Variants in GPR65 observed in about 807,000 individuals in gnomAD.
The protein encoded by GPR65 is G protein-coupled receptor 65.
A neutral mutation model predicts 0.7 loss-of-function variants in GPR65; 2 were observed. The observed-to-expected ratio is 2.83, with a 90% CI of 1.16 to 8.92. The LOEUF (loss-of-function observed/expected upper bound fraction) is 8.92. Among genes scored for constraint, GPR65 ranks in the 30% most tolerant of loss-of-function variants. GPR65 has a pLI of 0.04. For missense variants in GPR65, 379 were observed against 399.4 expected, an observed-to-expected ratio of 0.95 and a Z score of 0.43; for synonymous variants, 128 against 146.5, an observed-to-expected ratio of 0.87 and a Z score of 0.91.
In GPR65 at chr14:88,014,208, A is replaced by G. The variant is rs1372735001; in HGVS notation, c.*2347A>G. 1 of 152,268 alleles carries G rather than the reference A, an allele frequency of 6.6e-6. No homozygotes were observed. Among genetic ancestry groups the G allele is most frequent in the Non-Finnish European group, 1.5e-5 (1 of 68,046 alleles). 9.4% of individuals were successfully genotyped at this position (152,268 alleles called of 1,614,324 possible). On this transcript the variant is annotated 3_prime_UTR_variant, in exon 2 of 2. Transcript: ENST00000267549. ...AAAGCTGGTGAAAATTGTTCCACCC[A>G]TATGTAAAAGAACATAGGTTAAGTT...
At position 88,011,343 on chromosome 14, in the gene GPR65, A is replaced by C. The variant is rs1335440037; in HGVS notation, c.496A>C (p.Asn166His). ...VVEYCDAEKS[N>H]FTLCYDKYPL... ...TGAATATTGCGATGCCGAAAAGTCT[A>C]ATTTTACTTTATGCTATGACAAATA... The change falls in exon 2 of 2, where the codon AAT becomes CAT. Residue 166 changes from asparagine (N) to histidine (H), a missense_variant. Transcript: ENST00000267549. The C allele has an allele frequency of 6.2e-7, 1 of 1,614,068 alleles. No individual in the cohort carries two copies. The highest frequency in any genetic ancestry group is 8.5e-7 in the Non-Finnish European group (1 of 1,179,986).
rs1887705808 is a variant in GPR65 at position 88,012,766 on chromosome 14, C to A, written c.*905C>A. The A allele has an allele frequency of 6.6e-6, 1 of 152,042 alleles. No homozygotes were observed. Among genetic ancestry groups the A allele is most frequent in the Non-Finnish European group, 1.5e-5 (1 of 68,010 alleles). 9.4% of individuals were successfully genotyped at this position (152,042 alleles called of 1,614,324 possible). A position where few individuals can be genotyped will look rare whatever the true frequency, so the allele number is the denominator to read the frequency against. ...TTCATTAACAAATATTTATTGAATC[C>A]ATTCCATAAACTAGGTTTTGAGTTA... On this transcript the variant is annotated 3_prime_UTR_variant, in exon 2 of 2. Transcript: ENST00000267549.
In GPR65 at chr14:88,012,020, C is replaced by T; in HGVS notation, c.*159C>T. Reference sequence around the variant, plus strand: ...AAAAATATCTTAAAACTGCATTGTACAGCTCCCTCCCTGCGTTTTATTAAA... The same window carrying T: ...AAAAATATCTTAAAACTGCATTGTATAGCTCCCTCCCTGCGTTTTATTAAA... On this transcript the variant is annotated 3_prime_UTR_variant, in exon 2 of 2. Coordinates refer to ENST00000267549, the MANE Select transcript of GPR65 (RefSeq NM_003608.4). 1 of 558,276 alleles carries T rather than the reference C, an allele frequency of 1.8e-6. No individual in the cohort carries two copies. Among genetic ancestry groups the T allele is most frequent in the Non-Finnish European group, 3.2e-6 (1 of 311,050 alleles). The allele number at this position is 558,276 out of a possible 1,614,324, so 34.6% of individuals were successfully genotyped here.
At chr14:88,009,013 G>A (rs1269819515) in intron 1 of GPR65, among the ~76,000 whole-genome samples, 1 of 152,118 alleles carries the variant, frequency 6.6e-6, no homozygotes, top group Non-Finnish European at 1.5e-5. Context: ...CAGGGAAATT[G>A]CCATCTTTTC....
In GPR65 at chr14:88,012,635, C is replaced by T. The variant is rs1003787057; in HGVS notation, c.*774C>T. 1 of 152,216 alleles carries T rather than the reference C, an allele frequency of 6.6e-6. No homozygotes were observed. Among genetic ancestry groups the T allele is most frequent in the Non-Finnish European group, 1.5e-5 (1 of 68,042 alleles). The allele number at this position is 152,216 out of a possible 1,614,324, so 9.4% of individuals were successfully genotyped here. On this transcript the variant is annotated 3_prime_UTR_variant, in exon 2 of 2. Coordinates refer to ENST00000267549, the MANE Select transcript of GPR65 (RefSeq NM_003608.4). ...CGTATTTCACTTAGTATAATGGTTT[C>T]AAGTTTTATCCATGTGTAGAATGTA...
intron 1 of GPR65, among the ~76,000 whole-genome samples, chr14:88,007,686 T>TCA (rs1054624857): frequency 6.7e-6 from 1 of 149,430 alleles, no homozygotes; most frequent in Non-Finnish European, 1.5e-5. Context: ...TTTGTGTTTT[T>TCA]TATATATATA....
At chr14:88,007,788 GTGTA>G (rs754936375) in intron 1 of GPR65, among the ~76,000 whole-genome samples, 2,219 of 98,722 alleles carry the variant, frequency 0.022, 27 homozygotes, top group African/African-American at 0.049. Context: ...TTCTCTCTGT[GTGTA>G]TGTGTGTGTG....
At position 88,011,400 on chromosome 14, in the gene GPR65, T is replaced by A. The variant is rs145362448; in HGVS notation, c.553T>A (p.Leu185Met). Residue 185 changes from leucine to methionine, a missense_variant, in exon 2 of 2, where the codon TTG (leucine) becomes ATG (methionine). Leu to Met is a conservative substitution (Grantham distance 15, BLOSUM62 2). Transcript: ENST00000267549. Reference protein sequence around the residue: ...PLEKWQINLNLFRTCTGYAIP... With the variant: ...PLEKWQINLNMFRTCTGYAIP... Reference sequence around the variant, plus strand: ...AGAGAAATGGCAAATCAACCTCAACTTGTTCAGGACGTGTACAGGCTATGC... The same window carrying A: ...AGAGAAATGGCAAATCAACCTCAACATGTTCAGGACGTGTACAGGCTATGC... 3.7e-6 allele frequency: 6 copies of A among 1,613,926 alleles called. No homozygotes were observed. Among genetic ancestry groups the A allele is most frequent in the Non-Finnish European group, 5.1e-6 (6 of 1,179,950 alleles).
In GPR65 at chr14:88,012,930, T is replaced by C. The variant is rs1295279698; in HGVS notation, c.*1069T>C. 6.6e-6 allele frequency: 1 copy of C among 152,230 alleles called. No homozygotes were observed. Among genetic ancestry groups the C allele is most frequent in the Non-Finnish European group, 1.5e-5 (1 of 68,038 alleles). 9.4% of individuals were successfully genotyped at this position (152,230 alleles called of 1,614,324 possible). A position where few individuals can be genotyped will look rare whatever the true frequency, so the allele number is the denominator to read the frequency against. On this transcript the variant is annotated 3_prime_UTR_variant, in exon 2 of 2. Transcript: ENST00000267549. ...TCTGAGTTTTATTTTGATCTCTTTTTAATTTATAACTGGGTATAACATAGC... is the reference window on the plus strand; with the variant it reads ...TCTGAGTTTTATTTTGATCTCTTTTCAATTTATAACTGGGTATAACATAGC...
chr14:88,007,142 G>A (rs142328087), intron 1 of GPR65, among the ~76,000 whole-genome samples: 69 of 152,118 alleles, frequency 4.5e-4, no homozygotes, highest in Non-Finnish European at 7.8e-4. Context: ...AGTCTTTGGT[G>A]AACTGCAATT....
Position 88,014,331 on chromosome 14 carries a change from TAGAA to T in GPR65, c.*2474_*2477del, listed in dbSNP as rs1163015713. The T allele has an allele frequency of 6.6e-6, 1 of 152,216 alleles. No homozygotes were observed. Among genetic ancestry groups the T allele is most frequent in the Admixed American group, 6.5e-5 (1 of 15,288 alleles). 9.4% of individuals were successfully genotyped at this position (152,216 alleles called of 1,614,324 possible). A position where few individuals can be genotyped will look rare whatever the true frequency, so the allele number is the denominator to read the frequency against. ...AAAGAGTGGCCAACTTTCATATAAATAGAAAGAGAACATTTAAGCTATATGCAGT... is the reference window on the plus strand; with the variant it reads ...AAAGAGTGGCCAACTTTCATATAAATAGAGAACATTTAAGCTATATGCAGT... On this transcript the variant is annotated 3_prime_UTR_variant, in exon 2 of 2. Coordinates refer to ENST00000267549, the MANE Select transcript of GPR65 (RefSeq NM_003608.4).
chr14:88,011,288 T>C lies in GPR65; in HGVS notation c.441T>C (p.Ala147=), dbSNP rs1227048980. The change falls in exon 2 of 2, where the codon GCT becomes GCC. Residue 147 remains alanine, a synonymous_variant. Transcript: ENST00000267549. The stretch of plus-strand genomic sequence containing the variant: ...GGATATTGGAAACCATCTTCAATGC[T>C]GTCATGTTGTGGGAAGATGAAACAG... The part of the protein sequence containing the change: ...SIWILETIFN[A]VMLWEDETVV... 2 of 1,613,724 alleles carry C rather than the reference T, an allele frequency of 1.2e-6. No homozygotes were observed. The highest frequency in any genetic ancestry group is 1.7e-6 in the Non-Finnish European group (2 of 1,179,654).
rs1314769289 is a variant in GPR65 at position 88,011,359 on chromosome 14, A to G, written c.512A>G (p.Tyr171Cys). ...GAAAAGTCTAATTTTACTTTATGCT[A>G]TGACAAATACCCTTTAGAGAAATGG... ...DAEKSNFTLC[Y>C]DKYPLEKWQI... Residue 171 changes from tyrosine (Y) to cysteine (C), a missense_variant, in exon 2 of 2, where the codon TAT becomes TGT. By Grantham distance (194) the Tyr-to-Cys change is radical (BLOSUM62 -2). Transcript: ENST00000267549. 1.9e-6 allele frequency: 3 copies of G among 1,614,026 alleles called. No individual in the cohort carries two copies. Among genetic ancestry groups the G allele is most frequent in the Non-Finnish European group, 2.5e-6 (3 of 1,180,014 alleles).
chr14:88,010,083 T>C (rs529931122), intron 1 of GPR65, among the ~76,000 whole-genome samples: 80 of 152,368 alleles, frequency 5.3e-4, no homozygotes, highest in African/African-American at 1.7e-3. Flanking sequence ...TTTTTATCTT[T>C]AGCTGCTGAA....
intron 1 of GPR65, among the ~76,000 whole-genome samples, chr14:88,008,873 T>C (rs1887634619): frequency 6.6e-6 from 1 of 152,144 alleles, no homozygotes; most frequent in African/African-American, 2.4e-5. Flanking sequence ...AGCATGTAGG[T>C]TGGCCTGAAG....
intron 1 of GPR65, among the ~76,000 whole-genome samples, chr14:88,009,805 A>G (rs1417362334): frequency 6.6e-6 from 1 of 152,212 alleles, no homozygotes; most frequent in East Asian, 1.9e-4. Context: ...AAGTATAAGA[A>G]AAATAAAGTG....
At position 88,011,134 on chromosome 14, in the gene GPR65, T is replaced by C; in HGVS notation, c.287T>C (p.Met96Thr). Residue 96 changes from methionine to threonine, a missense_variant, in exon 2 of 2, where the codon ATG becomes ACG. By Grantham distance (81) the Met-to-Thr change is moderately conservative (BLOSUM62 -1). Coordinates refer to ENST00000267549, the MANE Select transcript of GPR65 (RefSeq NM_003608.4). ...AAAGGGAGTGCTTTTCTCATGTACA[T>C]GAATTTTTACAGCAGCACAGCATTC... is the stretch of plus-strand genomic sequence containing the variant. ...LCKGSAFLMY[M>T]NFYSSTAFLT... The C allele has an allele frequency of 6.2e-7, 1 of 1,614,028 alleles. No homozygotes were observed. Among genetic ancestry groups the C allele is most frequent in the Non-Finnish European group, 8.5e-7 (1 of 1,179,954 alleles).
chr14:88,009,435 TTACTCTGCTAG>T (rs72160890), intron 1 of GPR65, among the ~76,000 whole-genome samples: 27,418 of 152,072 alleles, frequency 0.18, 3,619 homozygotes, highest in African/African-American at 0.37. Context: ...CCCATATGAT[TTACTCTGCTAG>T]TAGAATTCTT....
chr14:88,007,778 T>TTC (rs1491543378), intron 1 of GPR65, among the ~76,000 whole-genome samples: 2 of 148,038 alleles, frequency 1.4e-5, no homozygotes, highest in South Asian at 4.3e-4. Context: ...TTGCTTATTA[T>TTC]TCTCTCTGTG....
Sources: allele counts gnomAD v4.1 joint callset (sites outside exome capture counted in the v4.1 genomes callset), GRCh38; gene constraint gnomAD v4.1.1; transcripts MANE v1.5; gene names NCBI Gene and HGNC (gene_info 2026-07-23, HGNC 2026-07-21).